Variants in LRP1B observed in about 807,000 individuals in gnomAD.
LRP1B encodes the protein LDL receptor related protein 1B, also known as low-density lipoprotein receptor-related protein 1B.
Under a neutral mutation model 556.6 loss-of-function variants are expected in LRP1B, and 217 were observed. The ratio of observed to expected loss-of-function variants is 0.39; its 90% CI spans 0.35 to 0.44. The LOEUF (loss-of-function observed/expected upper bound fraction) is 0.44. Among genes scored for constraint, LRP1B ranks in the 20% least tolerant of loss-of-function variants. LRP1B has a pLI of 1.00. For synonymous variants in LRP1B, 2,047 were observed against 1,865.8 expected (o/e 1.10, Z -2.50); for missense variants, 5,053 against 5,620.8 (o/e 0.90, Z 3.23).
At chr2:140,310,958 TAAATAA>T (rs1684271585) in intron 83 of LRP1B, among the ~76,000 whole-genome samples, 1 of 151,456 alleles carries the variant, frequency 6.6e-6, no homozygotes, top group Admixed American at 6.6e-5. Context: ...AAGAGAAATA[TAAATAA>T]AAATCACAAT....
At chr2:140,549,332 C>G (rs12053149) in intron 43 of LRP1B, among the ~76,000 whole-genome samples, 69,297 of 151,674 alleles carry the variant, frequency 0.46, 16,424 homozygotes, top group South Asian at 0.59. Flanking sequence ...TCTTGCCACA[C>G]GGATATATAA....
intron 52 of LRP1B, among the ~76,000 whole-genome samples, chr2:140,508,518 T>G (rs1291465863): frequency 1.3e-5 from 2 of 152,160 alleles, no homozygotes; most frequent in East Asian, 3.8e-4. Flanking sequence ...CAGGCATAAT[T>G]TACTTTTAAC....
intron 2 of LRP1B, among the ~76,000 whole-genome samples, chr2:141,569,764 C>T (rs1686463047): frequency 6.6e-6 from 1 of 150,984 alleles, no homozygotes; most frequent in Non-Finnish European, 1.5e-5. Context: ...AACTTTATTT[C>T]TTCTTGCTTG....
chr2:140,691,073 AG>A (rs1559057266), intron 41 of LRP1B, among the ~76,000 whole-genome samples: 1 of 152,228 alleles, frequency 6.6e-6, no homozygotes, highest in Non-Finnish European at 1.5e-5. Flanking sequence ...AGACAAAAAA[AG>A]AACAATTAAC....
At chr2:140,895,870 G>GT (rs1409401828) in intron 23 of LRP1B, among the ~76,000 whole-genome samples, 4 of 152,098 alleles carry the variant, frequency 2.6e-5, no homozygotes, top group African/African-American at 7.2e-5. Context: ...ACGCCAAGCT[G>GT]TTTTTTTCTC....
At chr2:142,077,335 G>A (rs1705540576) in intron 1 of LRP1B, among the ~76,000 whole-genome samples, 1 of 152,016 alleles carries the variant, frequency 6.6e-6, no homozygotes, top group African/African-American at 2.4e-5. Flanking sequence ...TTCATTCTTT[G>A]CATTGCTGAG....
chr2:141,161,177 T>TA (rs544058169), intron 7 of LRP1B, among the ~76,000 whole-genome samples: 1 of 152,108 alleles, frequency 6.6e-6, no homozygotes, highest in South Asian at 2.1e-4. Context: ...TTTTCTCCAT[T>TA]ACTTTTATTT....
chr2:140,265,299 G>A (rs1558756772), intron 86 of LRP1B, among the ~76,000 whole-genome samples: 1 of 151,908 alleles, frequency 6.6e-6, no homozygotes, highest in African/African-American at 2.4e-5. Context: ...AAAAAACATT[G>A]TTTTAATATT....
intron 2 of LRP1B, among the ~76,000 whole-genome samples, chr2:141,642,008 A>C (rs577501915): frequency 3.8e-4 from 52 of 138,350 alleles, no homozygotes; most frequent in Middle Eastern, 3.5e-3. Context: ...AACAAACAAA[A>C]CCCCCCCCCA....
chr2:141,474,199 A>G (rs1276775866), intron 3 of LRP1B, among the ~76,000 whole-genome samples: 1 of 133,604 alleles, frequency 7.5e-6, no homozygotes, highest in Non-Finnish European at 1.6e-5. Flanking sequence ...CAGCACAGAT[A>G]AATTTTTCCT....
At position 141,519,344 on chromosome 2, in the gene LRP1B, T is replaced by C. The variant is rs371819304; in HGVS notation, c.206-38811A>G. Among the ~76,000 whole-genome samples, 70 of 137,694 alleles carry C rather than the reference T, an allele frequency of 5.1e-4. 1 individual carries two copies. In the East Asian group the frequency reaches 9.8e-3, roughly 19 times the overall value. 90.3% of individuals were successfully genotyped at this position (137,694 alleles called of 152,430 possible). On this transcript the variant is annotated intron_variant, in intron 2 of 90. Transcript: ENST00000389484. ...AAGTGGAAAAATATTCCACCATGTGTGGGGCTTAAGTCAATGATATATATA... is the reference window on the plus strand; with the variant it reads ...AAGTGGAAAAATATTCCACCATGTGCGGGGCTTAAGTCAATGATATATATA...
At chr2:140,683,635 T>TATTC (rs1446085035) in intron 41 of LRP1B, 9 of 697,558 alleles carry the variant, frequency 1.3e-5, no homozygotes, top group Non-Finnish European at 2.4e-5. Context: ...AGCTCCCAGG[T>TATTC]ATTCCATCCG....
intron 79 of LRP1B, among the ~76,000 whole-genome samples, chr2:140,334,179 C>G (rs1020829705): frequency 6.6e-6 from 1 of 151,962 alleles, no homozygotes; most frequent in African/African-American, 2.4e-5. Context: ...TTGCTATAAA[C>G]TGTCAAAATT....
intron 3 of LRP1B, among the ~76,000 whole-genome samples, chr2:141,474,063 CCCTCCCTTCCTTT>C (rs1682607810): frequency 2.1e-5 from 3 of 144,500 alleles, no homozygotes; most frequent in East Asian, 4.0e-4. Flanking sequence ...CTTCCTCCCT[CCCTCCCTTCCTTT>C]CCTCCCTCCC....
chr2:140,586,681 G>A (rs969855776), intron 43 of LRP1B: 8 of 152,268 alleles, frequency 5.3e-5, no homozygotes, highest in African/African-American at 1.9e-4. Context: ...GCCAATGAAT[G>A]CTGAATGGGG....
chr2:140,317,817 G>A (rs1022621949), intron 82 of LRP1B, among the ~76,000 whole-genome samples: 4 of 152,050 alleles, frequency 2.6e-5, no homozygotes, highest in African/African-American at 4.8e-5. Flanking sequence ...GTTAGGGCAT[G>A]CGCGTTACTA....
chr2:141,777,496 G>C (rs1441066505), intron 2 of LRP1B, among the ~76,000 whole-genome samples: 1 of 151,944 alleles, frequency 6.6e-6, no homozygotes. Flanking sequence ...GCTCACTGCA[G>C]CCTCCGCCTC....
rs1232823042 is a variant in LRP1B at position 141,061,613 on chromosome 2, T to C, written c.1236+438A>G. Among the ~76,000 whole-genome samples, 7 of 151,922 alleles carry C rather than the reference T, an allele frequency of 4.6e-5. No individual in the cohort carries two copies. The South Asian group carries it at 1.5e-3, about 31-fold the overall frequency. On this transcript the variant is annotated intron_variant, in intron 8 of 90. Coordinates refer to ENST00000389484, the MANE Select transcript of LRP1B (RefSeq NM_018557.3). ...AGTCAAAATTTAATCGAACTTGTTA[T>C]AATAAAGGTACTTTTGTGAACAGCC...
At chr2:141,334,710 C>A (rs1687782559) in intron 3 of LRP1B, among the ~76,000 whole-genome samples, 2 of 152,114 alleles carry the variant, frequency 1.3e-5, no homozygotes, top group South Asian at 4.1e-4. Flanking sequence ...CACCACTATG[C>A]CAGGCTAATT....
Sources: allele counts gnomAD v4.1 joint callset (sites outside exome capture counted in the v4.1 genomes callset), GRCh38; gene constraint gnomAD v4.1.1; transcripts MANE v1.5; gene names NCBI Gene and HGNC (gene_info 2026-07-23, HGNC 2026-07-21).